The following ZNF679 variants were observed in gnomAD, a reference collection of about 807,000 sequenced individuals.
ZNF679 encodes zinc finger protein 679.
Under a neutral mutation model 13.4 loss-of-function variants are expected in ZNF679, and 10 were observed. That is an observed-to-expected ratio of 0.75 (90% CI 0.46 to 1.27). ZNF679 has a LOEUF of 1.27. Ranked by LOEUF, ZNF679 falls within the 50% of genes most tolerant of loss-of-function variation. ZNF679 has a pLI of 0.00. For synonymous variants in ZNF679, 179 were observed against 162.5 expected, an observed-to-expected ratio of 1.10 and a Z score of -0.77; for missense variants, 525 against 477.8, an observed-to-expected ratio of 1.10 and a Z score of -0.92.
intron 1 of ZNF679, among the ~76,000 whole-genome samples, chr7:64,245,663 C>T (rs1787859659): frequency 6.6e-6 from 1 of 152,260 alleles, no homozygotes; most frequent in South Asian, 2.1e-4. Context: ...ATCCTGTACT[C>T]ATCTAATTCT....
At position 64,266,307 on chromosome 7, in the gene ZNF679, C is replaced by T. The variant is rs770707047; in HGVS notation, c.674C>T (p.Ser225Leu). ...EECGKPFNCS[S>L]TLSKHKRIHT... ...TGCGGCAAACCCTTCAACTGCTCTT[C>T]AACCCTTTCTAAACATAAAAGAATT... The change falls in exon 5 of 5, where the codon TCA (serine) becomes TTA (leucine). Residue 225 changes from serine to leucine, a missense_variant. Ser to Leu is a moderately radical substitution (Grantham distance 145). Coordinates refer to ENST00000421025, the MANE Select transcript of ZNF679 (RefSeq NM_153363.3). The T allele has an allele frequency of 6.2e-7, 1 of 1,610,178 alleles. No individual in the cohort carries two copies. The highest frequency in any genetic ancestry group is 1.1e-5 in the South Asian group (1 of 90,742).
chr7:64,240,004 T>A (rs1437738196), intron 1 of ZNF679, among the ~76,000 whole-genome samples: 1 of 152,198 alleles, frequency 6.6e-6, no homozygotes, highest in African/African-American at 2.4e-5. Context: ...GACTCTGTTC[T>A]TCTAACTGGA....
Position 64,266,060 on chromosome 7 carries a change from GAAGTTAACC to G in ZNF679, c.430_438del (p.Val144_Gln146del). 1 of 1,613,362 alleles carries G rather than the reference GAAGTTAACC, an allele frequency of 6.2e-7. No individual in the cohort carries two copies. The highest frequency in any genetic ancestry group is 1.1e-5 in the South Asian group (1 of 91,054). On this transcript the variant is annotated inframe_deletion, in exon 5 of 5. Coordinates refer to ENST00000421025, the MANE Select transcript of ZNF679 (RefSeq NM_153363.3). ...TGAGGTGCAAAAAGGAGGTTGTAAT[GAAGTTAACC>G]AATGTTTGTCAACTACCCAAAACAA...
chr7:64,266,770 C>A lies in ZNF679; in HGVS notation c.1137C>A (p.Pro379=). Residue 379 remains proline (P), a synonymous_variant, in exon 5 of 5, where the codon CCC becomes CCA. Transcript: ENST00000421025. ...THKRIHTGEE[P]YKCEECDKAF... Reference sequence around the variant, plus strand: ...AGAGGATTCATACTGGAGAGGAACCCTACAAATGTGAAGAATGTGACAAAG... The same window carrying A: ...AGAGGATTCATACTGGAGAGGAACCATACAAATGTGAAGAATGTGACAAAG... The A allele has an allele frequency of 3.1e-6, 5 of 1,610,210 alleles. No homozygotes were observed. The highest frequency in any genetic ancestry group is 4.2e-6 in the Non-Finnish European group (5 of 1,178,110).
At chr7:64,238,181 C>G (rs1166199438) in intron 1 of ZNF679, among the ~76,000 whole-genome samples, 1 of 152,108 alleles carries the variant, frequency 6.6e-6, no homozygotes, top group East Asian at 1.9e-4. Context: ...CCAGTCTGAG[C>G]AAACATACAA....
chr7:64,265,679 C>T lies in ZNF679; in HGVS notation c.263-217C>T, dbSNP rs981763543. On this transcript the variant is annotated intron_variant, in intron 4 of 4. Coordinates refer to ENST00000421025, the MANE Select transcript of ZNF679 (RefSeq NM_153363.3). ...GTCTATATGGCTCTTGGTATTGTGCCCACCTGGTGCACACACTTTATTTAT... is the reference window on the plus strand; with the variant it reads ...GTCTATATGGCTCTTGGTATTGTGCTCACCTGGTGCACACACTTTATTTAT... 1.1e-4 allele frequency among the ~76,000 whole-genome samples: 17 copies of T among 151,984 alleles called. 1 individual carries two copies. In the South Asian group the frequency reaches 2.7e-3, roughly 24 times the overall value.
At chr7:64,261,394 GT>G (rs1435006348) in intron 4 of ZNF679, among the ~76,000 whole-genome samples, 2 of 151,538 alleles carry the variant, frequency 1.3e-5, no homozygotes, top group Middle Eastern at 6.3e-3. Flanking sequence ...ATAGTTTAAG[GT>G]TTTTTTACAA....
intron 1 of ZNF679, among the ~76,000 whole-genome samples, chr7:64,240,813 C>T (rs1787788969): frequency 6.6e-6 from 1 of 152,144 alleles, no homozygotes; most frequent in Admixed American, 6.6e-5. Context: ...GAGTCAACAC[C>T]TCTTGTGGAT....
Position 64,266,805 on chromosome 7 carries a change from G to T in ZNF679, c.1172G>T (p.Trp391Leu), listed in dbSNP as rs768945831. ...KCEECDKAFK[W>L]SSSLANHKSM... ...GAAGAATGTGACAAAGCTTTTAAGT[G>T]GTCCTCAAGTCTTGCTAATCATAAG... The change falls in exon 5 of 5, where the codon TGG becomes TTG. Residue 391 changes from tryptophan (W) to leucine (L), a missense_variant. Physicochemically the swap from Trp to Leu is moderately conservative, Grantham distance 61. Transcript: ENST00000421025. The T allele has an allele frequency of 2.2e-5, 36 of 1,604,710 alleles. No homozygotes were observed. In the South Asian group the frequency reaches 3.8e-4, roughly 17 times the overall value.
chr7:64,228,553 G>A lies in ZNF679; in HGVS notation c.-190G>A, dbSNP rs1787591824. The stretch of plus-strand genomic sequence containing the variant: ...ATTAGTAAAATAAATTAGGTGCTGT[G>A]TGAAAGTATACGCCACAATCACACC... On this transcript the variant is annotated 5_prime_UTR_variant, in exon 1 of 5. The change creates a new upstream start codon in the 5' untranslated region. Coordinates refer to ENST00000421025, the MANE Select transcript of ZNF679 (RefSeq NM_153363.3). The A allele has an allele frequency of 6.6e-6, 1 of 152,224 alleles. No homozygotes were observed. Among genetic ancestry groups the A allele is most frequent in the Admixed American group, 6.5e-5 (1 of 15,286 alleles). The allele number at this position is 152,224 out of a possible 1,614,324, so 9.4% of individuals were successfully genotyped here. A position where few individuals can be genotyped will look rare whatever the true frequency, so the allele number is the denominator to read the frequency against.
chr7:64,231,182 T>G (rs1196799807), intron 1 of ZNF679, among the ~76,000 whole-genome samples: 1 of 152,232 alleles, frequency 6.6e-6, no homozygotes, highest in East Asian at 1.9e-4. Context: ...GATTGCCTAT[T>G]ACCATAAGAC....
At chr7:64,230,123 T>C (rs1030162394) in intron 1 of ZNF679, among the ~76,000 whole-genome samples, 1 of 152,194 alleles carries the variant, frequency 6.6e-6, no homozygotes, top group Non-Finnish European at 1.5e-5. Context: ...TAACATCACC[T>C]AGGTGATGGG....
intron 1 of ZNF679, among the ~76,000 whole-genome samples, chr7:64,234,265 G>C (rs897758556): frequency 1.3e-5 from 2 of 152,192 alleles, no homozygotes; most frequent in Non-Finnish European, 2.9e-5. Context: ...GTGGGTGTGA[G>C]ACTTTTAACA....
chr7:64,243,654 G>A (rs1267789505), intron 1 of ZNF679, among the ~76,000 whole-genome samples: 1 of 152,148 alleles, frequency 6.6e-6, no homozygotes, highest in Non-Finnish European at 1.5e-5. Context: ...CAATACCCCA[G>A]GAGGGCAAAG....
Position 64,266,085 on chromosome 7 carries a change from C to G in ZNF679, c.452C>G (p.Thr151Ser). The G allele has an allele frequency of 6.2e-7, 1 of 1,612,964 alleles. No individual in the cohort carries two copies. Among genetic ancestry groups the G allele is most frequent in the Non-Finnish European group, 8.5e-7 (1 of 1,179,488 alleles). The change falls in exon 5 of 5, where the codon ACC becomes AGC. Residue 151 changes from threonine (T) to serine (S), a missense_variant. Coordinates refer to ENST00000421025, the MANE Select transcript of ZNF679 (RefSeq NM_153363.3). ...GAAGTTAACCAATGTTTGTCAACTA[C>G]CCAAAACAAAATATTTCAGACTCAT... is the stretch of plus-strand genomic sequence containing the variant. ...CNEVNQCLST[T>S]QNKIFQTHKC...
At chr7:64,235,102 T>C (rs767194434) in intron 1 of ZNF679, among the ~76,000 whole-genome samples, 33 of 152,338 alleles carry the variant, frequency 2.2e-4, no homozygotes, top group Non-Finnish European at 3.5e-4. Context: ...CCTCCCGAAG[T>C]GCTGGGATTA....
chr7:64,253,796 C>G (rs1358496133), intron 2 of ZNF679, among the ~76,000 whole-genome samples: 1 of 152,100 alleles, frequency 6.6e-6, no homozygotes, highest in Non-Finnish European at 1.5e-5. Context: ...ATGTTTTACC[C>G]TGAAGACAGC....
At chr7:64,258,915 TTTTG>T (rs943464856) in intron 2 of ZNF679, among the ~76,000 whole-genome samples, 4 of 151,748 alleles carry the variant, frequency 2.6e-5, no homozygotes, top group Non-Finnish European at 4.4e-5. Context: ...TTTTGTTTTG[TTTTG>T]TTTGTTTTGA....
chr7:64,231,557 G>T (rs2116504378), intron 1 of ZNF679, among the ~76,000 whole-genome samples: 1 of 152,290 alleles, frequency 6.6e-6, no homozygotes, highest in South Asian at 2.1e-4. Flanking sequence ...TAGTTTATGG[G>T]CTCATTAATA....
Sources: allele counts gnomAD v4.1 joint callset (sites outside exome capture counted in the v4.1 genomes callset), GRCh38; gene constraint gnomAD v4.1.1; transcripts MANE v1.5; gene names NCBI Gene and HGNC (gene_info 2026-07-23, HGNC 2026-07-21).